Variants in OPCML observed in about 807,000 individuals in gnomAD.
The protein encoded by OPCML is opioid-binding protein/cell adhesion molecule.
In OPCML, 13 loss-of-function variants were observed where a neutral mutation model predicts 37.8. The ratio of observed to expected loss-of-function variants is 0.34; its 90% CI spans 0.22 to 0.55. The LOEUF (loss-of-function observed/expected upper bound fraction) is 0.55, where lower values mean the gene tolerates loss of function less well. Among genes scored for constraint, OPCML ranks in the 20% least tolerant of loss-of-function variants. The probability of loss-of-function intolerance (pLI) is 0.91; values close to 1 mark genes in which losing one functional copy is unlikely to be tolerated. For synonymous variants in OPCML, 176 were observed against 168.8 expected, an observed-to-expected ratio of 1.04 and a Z score of -0.33; for missense variants, 341 against 435.6, an observed-to-expected ratio of 0.78 and a Z score of 1.93.
intron 2 of OPCML, among the ~76,000 whole-genome samples, chr11:132,818,424 A>T (rs992572633): frequency 2.0e-5 from 3 of 151,698 alleles, no homozygotes; most frequent in African/African-American, 7.3e-5. Context: ...AAAACAAAAG[A>T]CTCACGATCT....
chr11:133,105,721 C>G (rs1265284416), intron 1 of OPCML, among the ~76,000 whole-genome samples: 1 of 152,196 alleles, frequency 6.6e-6, no homozygotes, highest in Non-Finnish European at 1.5e-5. Flanking sequence ...TAGCTCATGC[C>G]TGCAATCCCA....
intron 1 of OPCML, among the ~76,000 whole-genome samples, chr11:133,140,522 T>TAAGAAGAAGAAGAAG (rs1296215663): frequency 8.7e-4 from 52 of 59,460 alleles, no homozygotes; most frequent in East Asian, 3.7e-3. Flanking sequence ...AAAATAATAA[T>TAAGAAGAAGAAGAAG]AATAATAATA....
rs765104788 is a variant in OPCML at position 133,230,091 on chromosome 11, C to T, written c.62-287081G>A. On this transcript the variant is annotated intron_variant, in intron 1 of 7. Coordinates refer to ENST00000524381, the MANE Select transcript of OPCML (RefSeq NM_001012393.5). ...TTAAAAAAGAAAAAGCTTCCCAATG[C>T]GTCCCACCATGCATTTCTACTCACC... Among the ~76,000 whole-genome samples the T allele has an allele frequency of 4.6e-5, 7 of 152,318 alleles. No individual in the cohort carries two copies. In the South Asian group the frequency reaches 8.3e-4, roughly 18 times the overall value.
intron 1 of OPCML, among the ~76,000 whole-genome samples, chr11:132,970,340 G>T (rs73586451): frequency 6.6e-6 from 1 of 152,144 alleles, no homozygotes; most frequent in Non-Finnish European, 1.5e-5. Context: ...GGAAGGGTGT[G>T]TTTGAATATG....
intron 1 of OPCML, among the ~76,000 whole-genome samples, chr11:133,068,432 T>A (rs947913800): frequency 2.0e-5 from 3 of 152,252 alleles, no homozygotes; most frequent in South Asian, 2.1e-4. Context: ...GCTCTCAGCC[T>A]GTCTTGTGAG....
At chr11:132,871,882 C>G (rs2136395714) in intron 2 of OPCML, among the ~76,000 whole-genome samples, 1 of 152,280 alleles carries the variant, frequency 6.6e-6, no homozygotes, top group South Asian at 2.1e-4. Context: ...TAAATGAAAT[C>G]TGCCTTACCT....
At chr11:132,579,854 G>A (rs186801266) in intron 3 of OPCML, among the ~76,000 whole-genome samples, 2 of 152,284 alleles carry the variant, frequency 1.3e-5, no homozygotes, top group East Asian at 3.9e-4. Flanking sequence ...AAGGGAGATT[G>A]TCTTAGTCCT....
chr11:132,553,884 G>A (rs745989552), intron 3 of OPCML, among the ~76,000 whole-genome samples: 1 of 152,258 alleles, frequency 6.6e-6, no homozygotes, highest in African/African-American at 2.4e-5. Flanking sequence ...GTTTGGTTTT[G>A]AATGCAAAAT....
At chr11:132,458,807 A>T (rs546627751) in intron 4 of OPCML, among the ~76,000 whole-genome samples, 1 of 152,180 alleles carries the variant, frequency 6.6e-6, no homozygotes, top group Admixed American at 6.5e-5. Context: ...AGATCCCCAC[A>T]TCTGCTTCCA....
chr11:133,468,170 ATT>A, intron 1 of OPCML, among the ~76,000 whole-genome samples: 1 of 152,212 alleles, frequency 6.6e-6, no homozygotes, highest in Non-Finnish European at 1.5e-5. Context: ...CTTGCCTTTC[ATT>A]GATGGCAATG....
intron 1 of OPCML, chr11:133,067,876 TATC>T (rs1948464567): frequency 1.3e-5 from 2 of 152,144 alleles, no homozygotes; most frequent in Admixed American, 1.3e-4. Context: ...GGAAAATGCT[TATC>T]ATATATTTGT....
rs891397389 is a variant in OPCML at position 132,452,752 on chromosome 11, T to C, written c.506-15393A>G. Reference sequence around the variant, plus strand: ...ACTAAGGACTAATAACTAAAGACCCTTTCTCAGCATTCTGTATACTCCAGT... The same window carrying C: ...ACTAAGGACTAATAACTAAAGACCCCTTCTCAGCATTCTGTATACTCCAGT... On this transcript the variant is annotated intron_variant, in intron 4 of 7. Transcript: ENST00000524381. Among the ~76,000 whole-genome samples the C allele has an allele frequency of 4.6e-5, 7 of 152,176 alleles. 1 individual carries two copies. Among genetic ancestry groups the C allele is most frequent in the African/African-American group, 1.7e-4 (7 of 41,452 alleles).
chr11:133,379,035 G>A (rs1054514514), intron 1 of OPCML, among the ~76,000 whole-genome samples: 2 of 152,138 alleles, frequency 1.3e-5, no homozygotes, highest in Non-Finnish European at 2.9e-5. Flanking sequence ...GGGATTAGAG[G>A]CATGAGCTAC....
At chr11:132,981,385 G>A (rs937046790) in intron 1 of OPCML, among the ~76,000 whole-genome samples, 1 of 152,176 alleles carries the variant, frequency 6.6e-6, no homozygotes, top group South Asian at 2.1e-4. Context: ...TCCTGAAGGC[G>A]GAGTTCTGTT....
intron 3 of OPCML, among the ~76,000 whole-genome samples, chr11:132,539,167 A>G (rs949399667): frequency 1.3e-5 from 2 of 152,230 alleles, no homozygotes; most frequent in Admixed American, 1.3e-4. Flanking sequence ...CTGACGCTGA[A>G]AAGTCATCAT....
chr11:132,887,950 T>C (rs1943487852), intron 2 of OPCML, among the ~76,000 whole-genome samples: 1 of 152,186 alleles, frequency 6.6e-6, no homozygotes, highest in South Asian at 2.1e-4. Flanking sequence ...CAAGGGCTGG[T>C]CTCATGACTG....
intron 7 of OPCML, among the ~76,000 whole-genome samples, chr11:132,421,277 G>A (rs2095958091): frequency 6.6e-6 from 1 of 152,134 alleles, no homozygotes; most frequent in South Asian, 2.1e-4. Flanking sequence ...TTATTACCAA[G>A]GGATTAAAAG....
intron 1 of OPCML, among the ~76,000 whole-genome samples, chr11:133,317,902 C>T (rs1331445283): frequency 6.6e-6 from 1 of 152,180 alleles, no homozygotes; most frequent in Admixed American, 6.5e-5. Flanking sequence ...TTTGCTGTAA[C>T]GGTAAATACT....
chr11:132,835,668 C>T (rs1413482913), intron 2 of OPCML, among the ~76,000 whole-genome samples: 1 of 152,196 alleles, frequency 6.6e-6, no homozygotes, highest in East Asian at 1.9e-4. Context: ...AATCCCTGGA[C>T]CCTAGAAGAG....
Sources: gnomAD v4.1 joint callset for allele counts (sites outside exome capture counted in the v4.1 genomes callset) on GRCh38, gnomAD v4.1.1 for gene constraint, MANE v1.5 for transcripts, NCBI Gene and HGNC (gene_info 2026-07-23, HGNC 2026-07-21) for gene names.